The following DIPK2B variants were observed in gnomAD, a reference collection of about 807,000 sequenced individuals.
The protein encoded by DIPK2B is divergent protein kinase domain 2B, also known as UPF0672 protein CXorf36.
Under a neutral mutation model 22.2 loss-of-function variants are expected in DIPK2B, and 15 were observed. The observed-to-expected ratio is 0.68, with a 90% CI of 0.45 to 1.04. The LOEUF (loss-of-function observed/expected upper bound fraction) is 1.04, where lower values mean the gene tolerates loss of function less well. Ranked by LOEUF, DIPK2B falls within the 50% of genes least tolerant of loss-of-function variation. The pLI, the probability that DIPK2B is intolerant of heterozygous loss-of-function variation, is 0.00. For missense variants in DIPK2B, 345 were observed against 348.3 expected (o/e 0.99, Z 0.08); for synonymous variants, 163 against 153.2 (o/e 1.06, Z -0.47).
chrX:45,169,046 G>A (rs958352659), intron 2 of DIPK2B, among the ~76,000 whole-genome samples: 1 of 111,724 alleles, frequency 9.0e-6, no homozygotes, highest in Non-Finnish European at 1.9e-5. Context: ...TTCTGAGCCA[G>A]GGGACCCATT....
chrX:45,196,702 C>T (rs761471066), intron 1 of DIPK2B, among the ~76,000 whole-genome samples: 1 of 110,713 alleles, frequency 9.0e-6, no homozygotes, highest in East Asian at 2.8e-4. Flanking sequence ...ACTCTCCACC[C>T]CCACACCCTG....
At chrX:45,164,290 G>T (rs1471102417) in intron 2 of DIPK2B, 28 of 1,175,401 alleles carry the variant, frequency 2.4e-5, no homozygotes, top group Non-Finnish European at 3.1e-5. Flanking sequence ...GGCTTCAAAA[G>T]ATTTGTGGAA....
intron 2 of DIPK2B, among the ~76,000 whole-genome samples, chrX:45,175,840 A>AT (rs1205407019): frequency 9.3e-6 from 1 of 107,360 alleles, no homozygotes; most frequent in East Asian, 3.0e-4. Flanking sequence ...GAAACGATCC[A>AT]TTTTTTGGGA....
intron 2 of DIPK2B, among the ~76,000 whole-genome samples, chrX:45,171,788 C>T (rs2047083486): frequency 8.9e-6 from 1 of 112,714 alleles, no homozygotes. Flanking sequence ...CTATGCACAT[C>T]GGGTCTCTCC....
chrX:45,167,428 G>T (rs2047054539), intron 2 of DIPK2B, among the ~76,000 whole-genome samples: 1 of 103,441 alleles, frequency 9.7e-6, no homozygotes, highest in Non-Finnish European at 2.0e-5. Context: ...GGAGGTTGAG[G>T]CTGCGCTGAG....
At chrX:45,166,576 G>C (rs2047050098) in intron 2 of DIPK2B, among the ~76,000 whole-genome samples, 1 of 111,517 alleles carries the variant, frequency 9.0e-6, no homozygotes, top group Non-Finnish European at 1.9e-5. Flanking sequence ...CTGTGCCCCG[G>C]TATAACCACA....
chrX:45,192,481 C>T (rs987955064), intron 1 of DIPK2B, among the ~76,000 whole-genome samples: 1 of 111,083 alleles, frequency 9.0e-6, no homozygotes, highest in Non-Finnish European at 1.9e-5. Context: ...GTATCTCTCC[C>T]TTTCCCTACA....
Position 45,161,836 on chromosome X carries a change from T to A in DIPK2B, c.499-3948A>T, listed in dbSNP as rs187144626. On this transcript the variant is annotated intron_variant, in intron 2 of 4. Transcript: ENST00000398000. ...GAGAGTGGACAACAGGAATATTGTT[T>A]GCTGAGGTGATTTTAAAACACGTTT... Among the ~76,000 whole-genome samples, 8 of 111,902 alleles carry A rather than the reference T, an allele frequency of 7.1e-5. No individual in the cohort carries two copies. The East Asian group carries it at 2.3e-3, about 32-fold the overall frequency.
At chrX:45,174,398 C>G (rs1026280863) in intron 2 of DIPK2B, among the ~76,000 whole-genome samples, 2 of 111,679 alleles carry the variant, frequency 1.8e-5, no homozygotes, top group African/African-American at 6.5e-5. Context: ...ACCAAAGAAA[C>G]TGGTACCCTT....
chrX:45,176,866 C>T (rs777254284), intron 2 of DIPK2B, among the ~76,000 whole-genome samples: 16 of 111,695 alleles, frequency 1.4e-4, no homozygotes, highest in Middle Eastern at 4.6e-3. Context: ...ATGGAGAGAT[C>T]AATCTCTGAA....
At chrX:45,182,918 T>C (rs917212245) in intron 2 of DIPK2B, among the ~76,000 whole-genome samples, 3 of 111,177 alleles carry the variant, frequency 2.7e-5, no homozygotes, top group Non-Finnish European at 3.8e-5. Flanking sequence ...GCTGGGAGAG[T>C]CCTAAGCAAA....
intron 2 of DIPK2B, among the ~76,000 whole-genome samples, chrX:45,161,146 G>A (rs774107273): frequency 4.4e-5 from 5 of 112,564 alleles, no homozygotes; most frequent in Non-Finnish European, 9.4e-5. Context: ...CACACTAAGG[G>A]CTGTGAAGCA....
intron 4 of DIPK2B, 91 bp from the exon 5 acceptor site, chrX:45,152,083 C>A (rs1037675689): frequency 4.7e-6 from 4 of 856,865 alleles, no homozygotes; most frequent in Non-Finnish European, 6.5e-6. Context: ...TGGGGCCGGG[C>A]GCGGTGGCTC....
In DIPK2B at chrX:45,151,313, A is replaced by G. The variant is rs769193860; in HGVS notation, c.*339T>C. On this transcript the variant is annotated 3_prime_UTR_variant, in exon 5 of 5. Transcript: ENST00000398000. Reference sequence around the variant, plus strand: ...ATGGAGGTGGTGAGCATGTGTCCCAAGACCCATGCTTGGGATATATGCTCA... The same window carrying G: ...ATGGAGGTGGTGAGCATGTGTCCCAGGACCCATGCTTGGGATATATGCTCA... 3 of 227,311 alleles carry G rather than the reference A, an allele frequency of 1.3e-5. No homozygotes were observed. Among genetic ancestry groups the G allele is most frequent in the South Asian group, 2.3e-4 (2 of 8,863 alleles). 18.7% of individuals were successfully genotyped at this position (227,311 alleles called of 1,213,427 possible).
intron 3 of DIPK2B, among the ~76,000 whole-genome samples, chrX:45,156,622 T>C (rs1236158485): frequency 9.0e-6 from 1 of 111,486 alleles, no homozygotes. Context: ...ATTGCTGACG[T>C]TGGCTAAAAG....
chrX:45,171,127 G>T (rs1397742960), intron 2 of DIPK2B, among the ~76,000 whole-genome samples: 1 of 111,484 alleles, frequency 9.0e-6, no homozygotes, highest in East Asian at 2.8e-4. Flanking sequence ...CTCAAGTGCA[G>T]GAAGCAGATC....
rs34556031 is a variant in DIPK2B at position 45,194,255 on chromosome X, A to ATT, written c.234-2242_234-2241dup. 2.6e-3 allele frequency among the ~76,000 whole-genome samples: 235 copies of ATT among 91,161 alleles called. 1 individual carries two copies. The highest frequency in any genetic ancestry group is 3.6e-3 in the Non-Finnish European group (153 of 42,122). The allele number at this position is 91,161 out of a possible 115,157, so 79.2% of individuals were successfully genotyped here. The stretch of plus-strand genomic sequence containing the variant: ...ATACCCAACCCCAAGGAACCCATTA[A>ATT]TTTTTTTTTTTTGAGAGAGAGTCTT... On this transcript the variant is annotated intron_variant, in intron 1 of 4. Coordinates refer to ENST00000398000, the MANE Select transcript of DIPK2B (RefSeq NM_176819.4).
At position 45,182,559 on chromosome X, in the gene DIPK2B, C is replaced by A. The variant is rs1365599494; in HGVS notation, c.498+9192G>T. 2.7e-5 allele frequency among the ~76,000 whole-genome samples: 3 copies of A among 112,597 alleles called. No individual in the cohort carries two copies. In the East Asian group the frequency reaches 8.3e-4, roughly 31 times the overall value. ...TTCCACTTTTGTGTGCTTATGTTCA[C>A]CAATAGATATGTACAATAATGTCTG... On this transcript the variant is annotated intron_variant, in intron 2 of 4. Transcript: ENST00000398000.
chrX:45,153,246 C>T (rs1478227459), intron 4 of DIPK2B, among the ~76,000 whole-genome samples: 2 of 111,401 alleles, frequency 1.8e-5, no homozygotes, highest in African/African-American at 3.3e-5. Context: ...TTAGGGTGTT[C>T]GAAGGGTTCT....
Sources: gnomAD v4.1 joint callset for allele counts (sites outside exome capture counted in the v4.1 genomes callset) on GRCh38, gnomAD v4.1.1 for gene constraint, MANE v1.5 for transcripts, NCBI Gene and HGNC (gene_info 2026-07-23, HGNC 2026-07-21) for gene names.